CIRBP: variants seen among roughly 807,000 people sequenced by gnomAD.
CIRBP encodes cold inducible RNA binding protein.
Under a neutral mutation model 22.3 loss-of-function variants are expected in CIRBP, and 11 were observed. The observed-to-expected ratio is 0.49, with a 90% CI of 0.31 to 0.82. The LOEUF (loss-of-function observed/expected upper bound fraction) is 0.82, where lower values mean the gene tolerates loss of function less well. Ranked by LOEUF, CIRBP falls within the 40% of genes least tolerant of loss-of-function variation. The pLI, the probability that CIRBP is intolerant of heterozygous loss-of-function variation, is 0.05. For synonymous variants in CIRBP, 216 were observed against 158.8 expected, an observed-to-expected ratio of 1.36 and a Z score of -2.71; for missense variants, 456 against 402.7, an observed-to-expected ratio of 1.13 and a Z score of -1.13.
chr19:1,270,801 A>G (rs2081326620), intron 1 of CIRBP, 127 bp from the exon 2 acceptor site: 2 of 761,640 alleles, frequency 2.6e-6, no homozygotes, highest in South Asian at 3.2e-5. Flanking sequence ...GTTTGAGATA[A>G]TGAAAAATAA....
intron 1 of CIRBP, chr19:1,269,887 C>G: frequency 1.9e-6 from 1 of 519,902 alleles, no homozygotes. Context: ...CCTCGTAAAT[C>G]TTGGGTAGGC....
At position 1,274,430 on chromosome 19, in the gene CIRBP, G is replaced by A. The variant is rs999619526; in HGVS notation, c.*1987G>A. On this transcript the variant is annotated 3_prime_UTR_variant, in exon 6 of 6. Coordinates refer to ENST00000587896, the MANE Select transcript of CIRBP (RefSeq NM_001300829.2). ...CTGGAGGCAGCCGCTTGCCCAGGAG[G>A]CTTGTCCCCTGTAAGTGCTTTCGGG... 1 of 399,434 alleles carries A rather than the reference G, an allele frequency of 2.5e-6. No individual in the cohort carries two copies. The highest frequency in any genetic ancestry group is 3.6e-5 in the East Asian group (1 of 28,022). The allele number at this position is 399,434 out of a possible 1,614,324, so 24.7% of individuals were successfully genotyped here.
At position 1,272,579 on chromosome 19, in the gene CIRBP, C is replaced by T. The variant is rs2081361449; in HGVS notation, c.*136C>T. ...GTAGTCATTTCGGTTCTGATCTTGT[C>T]AAACCCAGCCTGACCGCTTCTGACG... On this transcript the variant is annotated 3_prime_UTR_variant, in exon 6 of 6. Coordinates refer to ENST00000587896, the MANE Select transcript of CIRBP (RefSeq NM_001300829.2). The T allele has an allele frequency of 1.3e-6, 1 of 795,714 alleles. No homozygotes were observed. The allele number at this position is 795,714 out of a possible 1,614,324, so 49.3% of individuals were successfully genotyped here.
chr19:1,270,234 C>G (rs1258621477), intron 1 of CIRBP: 4 of 172,434 alleles, frequency 2.3e-5, no homozygotes, highest in African/African-American at 2.0e-4. Context: ...GACAGCCAGC[C>G]CCCCCCCCAG....
Position 1,274,534 on chromosome 19 carries a change from G to A in CIRBP, c.*2091G>A, listed in dbSNP as rs760270417. On this transcript the variant is annotated 3_prime_UTR_variant, in exon 6 of 6. Coordinates refer to ENST00000587896, the MANE Select transcript of CIRBP (RefSeq NM_001300829.2). ...TGAGTCCTGCTCTCCCGCACCTATGGCCCCATGGCGGGCGCCTTTCGGTGT... is the reference window on the plus strand; with the variant it reads ...TGAGTCCTGCTCTCCCGCACCTATGACCCCATGGCGGGCGCCTTTCGGTGT... 2.6e-5 allele frequency: 10 copies of A among 385,106 alleles called. No homozygotes were observed. Among genetic ancestry groups the A allele is most frequent in the Non-Finnish European group, 3.7e-5 (8 of 217,618 alleles). The allele number at this position is 385,106 out of a possible 1,614,324, so 23.9% of individuals were successfully genotyped here.
intron 5 of CIRBP, 128 bp from the exon 6 acceptor site, chr19:1,271,853 T>C: frequency 1.2e-6 from 1 of 836,526 alleles, no homozygotes; most frequent in Non-Finnish European, 1.9e-6. Flanking sequence ...TCCAAGATGC[T>C]GCCCTGCTGG....
At position 1,274,277 on chromosome 19, in the gene CIRBP, G is replaced by A. The variant is rs566388463; in HGVS notation, c.*1834G>A. On this transcript the variant is annotated 3_prime_UTR_variant, in exon 6 of 6. Coordinates refer to ENST00000587896, the MANE Select transcript of CIRBP (RefSeq NM_001300829.2). ...GGCAGCTGTGAGCCCTGTGGAGGAC[G>A]TTGGGAGTAACGCTGCTTTGCTTTG... is the stretch of plus-strand genomic sequence containing the variant. 1.2e-5 allele frequency: 5 copies of A among 401,302 alleles called. No homozygotes were observed. Among genetic ancestry groups the A allele is most frequent in the South Asian group, 1.3e-4 (1 of 7,972 alleles). 24.9% of individuals were successfully genotyped at this position (401,302 alleles called of 1,614,324 possible).
In CIRBP at chr19:1,271,256, A is replaced by G; in HGVS notation, c.210+10A>G. On this transcript the variant is annotated intron_variant, in intron 3 of 5. Transcript: ENST00000587896. ...GGCCATGAATGGGAAGGTGAGGATC[A>G]GGGTGCTGAGCAGGAGTCCCGTCTC... The G allele has an allele frequency of 6.2e-7, 1 of 1,614,012 alleles. No homozygotes were observed. The highest frequency in any genetic ancestry group is 8.5e-7 in the Non-Finnish European group (1 of 1,179,974).
At position 1,274,351 on chromosome 19, in the gene CIRBP, C is replaced by G. The variant is rs2081388448; in HGVS notation, c.*1908C>G. ...GACTCGGGGAAGGGTGGCCTGAGAG[C>G]AGCGATGACCTCTGGGGTCACTGTC... On this transcript the variant is annotated 3_prime_UTR_variant, in exon 6 of 6. Transcript: ENST00000587896. 1 of 401,158 alleles carries G rather than the reference C, an allele frequency of 2.5e-6. No homozygotes were observed. The highest frequency in any genetic ancestry group is 1.3e-4 in the South Asian group (1 of 7,980). The allele number at this position is 401,158 out of a possible 1,614,324, so 24.8% of individuals were successfully genotyped here. A position where few individuals can be genotyped will look rare whatever the true frequency, so the allele number is the denominator to read the frequency against.
chr19:1,270,232 GC>G (rs56378951), intron 1 of CIRBP: 278,938 of 365,360 alleles, frequency 0.76, 104,517 homozygotes, highest in East Asian at 0.96. Flanking sequence ...CTGACAGCCA[GC>G]CCCCCCCCCA....
intron 5 of CIRBP, 90 bp from the exon 6 acceptor site, chr19:1,271,891 G>C: frequency 8.5e-7 from 1 of 1,176,558 alleles, no homozygotes. Context: ...CAGAAGGGAC[G>C]GCTGGCATGG....
intron 2 of CIRBP, 21 bp downstream of exon 2, chr19:1,271,057 G>A (rs376525291): frequency 5.2e-5 from 83 of 1,610,760 alleles, no homozygotes; most frequent in African/African-American, 9.4e-5. Context: ...TGCTGGGCCC[G>A]CGGCCCTGGG....
At chr19:1,270,866 G>A in intron 1 of CIRBP, 62 bp from the exon 2 acceptor site, 1 of 994,054 alleles carries the variant, frequency 1.0e-6, no homozygotes, top group Non-Finnish European at 1.6e-6. Flanking sequence ...ACATAAAATA[G>A]GAAGCGGGGA....
At chr19:1,270,406 C>G (rs995031329) in intron 1 of CIRBP, among the ~76,000 whole-genome samples, 1 of 152,148 alleles carries the variant, frequency 6.6e-6, no homozygotes, top group Admixed American at 6.5e-5. Context: ...AAGGGAGACA[C>G]CCATTGTGGA....
rs1221728220 is a variant in CIRBP, at chr19:1,273,973, C to T, written c.*1530C>T. 2.2e-5 allele frequency: 5 copies of T among 231,944 alleles called. No individual in the cohort carries two copies. The highest frequency in any genetic ancestry group is 3.3e-5 in the Non-Finnish European group (4 of 120,652). 14.4% of individuals were successfully genotyped at this position (231,944 alleles called of 1,614,324 possible). ...AGGATTGAAGACCAGTGAACGCCCC[C>T]GCCTTTTGGATTTTTTGCTCAATTG... On this transcript the variant is annotated 3_prime_UTR_variant, in exon 6 of 6. Transcript: ENST00000587896.
Position 1,272,239 on chromosome 19 carries a change from A to C in CIRBP, c.690A>C (p.Gln230His), listed in dbSNP as rs956299515. ...RRTQKPNETD[Q>H]KGKGERGPAG... The stretch of plus-strand genomic sequence containing the variant: ...CGCAAAAGCCAAATGAGACTGACCA[A>C]AAAGGCAAGGGAGAGCGAGGGCCCG... The change falls in exon 6 of 6, where the codon CAA becomes CAC. Residue 230 changes from glutamine to histidine, a missense_variant. Transcript: ENST00000587896. The C allele has an allele frequency of 6.7e-5, 107 of 1,602,964 alleles. No homozygotes were observed. Among genetic ancestry groups the C allele is most frequent in the Non-Finnish European group, 8.5e-5 (100 of 1,175,436 alleles).
rs1339309370 is a variant in CIRBP at position 1,274,114 on chromosome 19, C to T, written c.*1671C>T. On this transcript the variant is annotated 3_prime_UTR_variant, in exon 6 of 6. Transcript: ENST00000587896. ...CTGGCCCACATAGCTCCATCCCATA[C>T]GGGTAGCTGGCTCCAGCTGCGCCAA... is the stretch of plus-strand genomic sequence containing the variant. 2.6e-6 allele frequency: 1 copy of T among 389,564 alleles called. No homozygotes were observed. Among genetic ancestry groups the T allele is most frequent in the Non-Finnish European group, 4.5e-6 (1 of 220,820 alleles). The allele number at this position is 389,564 out of a possible 1,614,324, so 24.1% of individuals were successfully genotyped here.
At chr19:1,271,789 A>T in intron 5 of CIRBP, 157 bp downstream of exon 5, 1 of 702,926 alleles carries the variant, frequency 1.4e-6, no homozygotes, top group Non-Finnish European at 2.4e-6. Context: ...TGCTCAGGAC[A>T]TTCGCAGAAG....
Position 1,272,071 on chromosome 19 carries a change from C to T in CIRBP, c.522C>T (p.Gly174=), listed in dbSNP as rs527705089. The change falls in exon 6 of 6, where the codon GGC becomes GGT. Residue 174 remains glycine, a synonymous_variant. Transcript: ENST00000587896. ...GTTACGGTAAGTCACACTCCGAGGGCGCCACGCTGCTGTGGCCTGCGGTGG... is the reference window on the plus strand; with the variant it reads ...GTTACGGTAAGTCACACTCCGAGGGTGCCACGCTGCTGTGGCCTGCGGTGG... ...YDSYGKSHSE[G]ATLLWPAVGA... is the part of the protein sequence containing the mutation. 3.4e-5 allele frequency: 55 copies of T among 1,614,042 alleles called. No homozygotes were observed. Among genetic ancestry groups the T allele is most frequent in the East Asian group, 2.0e-4 (9 of 44,878 alleles).
Sources: allele counts gnomAD v4.1 joint callset (sites outside exome capture counted in the v4.1 genomes callset), GRCh38; gene constraint gnomAD v4.1.1; transcripts MANE v1.5; gene names NCBI Gene and HGNC (gene_info 2026-07-23, HGNC 2026-07-21).